The following WDR1 variants were observed in gnomAD, a reference collection of about 807,000 sequenced individuals.
The protein encoded by WDR1 is WD repeat-containing protein 1.
WDR1 carries 21 observed loss-of-function variants against 71.9 expected under a neutral mutation model. The observed-to-expected ratio is 0.29, with a 90% CI of 0.21 to 0.42. The LOEUF (loss-of-function observed/expected upper bound fraction) is 0.42. Ranked by LOEUF, WDR1 falls within the 10% of genes least tolerant of loss-of-function variation. The probability of loss-of-function intolerance (pLI) is 1.00; values close to 1 mark genes in which losing one functional copy is unlikely to be tolerated. For synonymous variants in WDR1, 424 were observed against 347.4 expected, an observed-to-expected ratio of 1.22 and a Z score of -2.45; for missense variants, 696 against 824.5, an observed-to-expected ratio of 0.84 and a Z score of 1.91.
chr4:10,085,664 C>T (rs948260036), intron 8 of WDR1, among the ~76,000 whole-genome samples: 5 of 152,248 alleles, frequency 3.3e-5, no homozygotes, highest in Non-Finnish European at 5.9e-5. Flanking sequence ...CAGATGCCCA[C>T]GGGTGTTCCT....
rs1432303340 is a variant in WDR1 at position 10,111,544 on chromosome 4, A to T, written c.138+4569T>A. ...CACTTCCTTCTGCCACCTAGAGTTTATTTCACTCCCACCCAGGACAGTGAG... is the reference window on the plus strand; with the variant it reads ...CACTTCCTTCTGCCACCTAGAGTTTTTTTCACTCCCACCCAGGACAGTGAG... On this transcript the variant is annotated intron_variant, in intron 2 of 14. Transcript: ENST00000499869. 5.3e-5 allele frequency among the ~76,000 whole-genome samples: 8 copies of T among 151,920 alleles called. No individual in the cohort carries two copies. The East Asian group carries it at 1.5e-3, about 29-fold the overall frequency.
chr4:10,102,075 A>G (rs1286236732), intron 3 of WDR1, among the ~76,000 whole-genome samples: 4 of 152,082 alleles, frequency 2.6e-5, no homozygotes, highest in Non-Finnish European at 5.9e-5. Context: ...GCTGACCGCC[A>G]ACAGCAGTCA....
Position 10,084,174 on chromosome 4 carries a change from T to C in WDR1, c.1039+269A>G, listed in dbSNP as rs1373488407. On this transcript the variant is annotated intron_variant, in intron 9 of 14. Transcript: ENST00000499869. The stretch of plus-strand genomic sequence containing the variant: ...GGGCCGTTAAGCCACACTCTCAGGG[T>C]TGCACGACAAGAAGGGACTGATCAG... Among the ~76,000 whole-genome samples the C allele has an allele frequency of 4.6e-5, 7 of 152,072 alleles. No individual in the cohort carries two copies. In the East Asian group the frequency reaches 7.7e-4, roughly 17 times the overall value.
chr4:10,095,963 G>A (rs1010479280), intron 5 of WDR1: 3 of 152,338 alleles, frequency 2.0e-5, no homozygotes, highest in African/African-American at 7.2e-5. Flanking sequence ...TGGGCTAGCT[G>A]GGCAGACATT....
chr4:10,078,509 G>T (rs929385569), intron 12 of WDR1: 7 of 198,242 alleles, frequency 3.5e-5, no homozygotes, highest in African/African-American at 1.4e-4. Context: ...TGTGAGCCGA[G>T]CCCAGCCCCA....
chr4:10,077,201 G>A, intron 14 of WDR1, 103 bp downstream of exon 14: 2 of 1,445,706 alleles, frequency 1.4e-6, no homozygotes, highest in Non-Finnish European at 9.4e-7. Context: ...AAGCACAGAG[G>A]CTACTTAGCC....
At chr4:10,080,092 T>G (rs899824488) in intron 11 of WDR1, among the ~76,000 whole-genome samples, 1 of 151,888 alleles carries the variant, frequency 6.6e-6, no homozygotes, top group African/African-American at 2.4e-5. Flanking sequence ...CATGAGGAGG[T>G]GCAGAGACCT....
At chr4:10,115,890 C>G (rs1365076774) in intron 2 of WDR1, 6 of 578,308 alleles carry the variant, frequency 1.0e-5, no homozygotes, top group Non-Finnish European at 9.2e-6. Context: ...TAGACAGAAA[C>G]GAACTAAGAC....
chr4:10,115,534 A>C (rs1364980447), intron 2 of WDR1, among the ~76,000 whole-genome samples: 5 of 152,200 alleles, frequency 3.3e-5, no homozygotes, highest in Non-Finnish European at 1.5e-5. Context: ...GAGTTAGCTG[A>C]GTGCCATTCC....
At position 10,109,318 on chromosome 4, in the gene WDR1, T is replaced by C. The variant is rs1030437126; in HGVS notation, c.139-5332A>G. Among the ~76,000 whole-genome samples the C allele has an allele frequency of 3.9e-5, 6 of 152,226 alleles. No individual in the cohort carries two copies. In the East Asian group the frequency reaches 7.7e-4, roughly 20 times the overall value. ...ACGGTGAGTCAAGGGAGGTAACAAA[T>C]GCTCAACACCTTCACACAATCCCAG... On this transcript the variant is annotated intron_variant, in intron 2 of 14. Transcript: ENST00000499869.
intron 3 of WDR1, among the ~76,000 whole-genome samples, chr4:10,103,323 C>G (rs993097058): frequency 1.3e-5 from 2 of 148,280 alleles, no homozygotes; most frequent in Non-Finnish European, 3.0e-5. Context: ...CACACACACA[C>G]GGCCCACAAG....
intron 14 of WDR1, chr4:10,075,919 G>A (rs2109628414): frequency 5.5e-6 from 1 of 181,888 alleles, no homozygotes. Context: ...GAACACACAG[G>A]ACTGGGGGGG....
intron 8 of WDR1, among the ~76,000 whole-genome samples, chr4:10,086,605 G>A (rs1338692366): frequency 6.6e-6 from 1 of 152,192 alleles, no homozygotes; most frequent in East Asian, 1.9e-4. Context: ...AGGCCCGGGG[G>A]CTGCTCCAGG....
Position 10,116,383 on chromosome 4 carries a change from G to A in WDR1, c.17-149C>T. ...CCACTTTCCACGAGCGCCAGGAACC[G>A]CGCGACTTCCTGGTCCGCGCCCCGG... On this transcript the variant is annotated intron_variant, in intron 1 of 14. Coordinates refer to ENST00000499869, the MANE Select transcript of WDR1 (RefSeq NM_017491.5). The A allele has an allele frequency of 2.5e-6, 3 of 1,221,406 alleles. No homozygotes were observed. In the South Asian group the frequency reaches 4.5e-5, roughly 18 times the overall value. The allele number at this position is 1,221,406 out of a possible 1,614,324, so 75.7% of individuals were successfully genotyped here. A position where few individuals can be genotyped will look rare whatever the true frequency, so the allele number is the denominator to read the frequency against.
At chr4:10,093,116 C>A in intron 5 of WDR1, 2 of 1,289,480 alleles carry the variant, frequency 1.6e-6, no homozygotes, top group Non-Finnish European at 2.0e-6. Flanking sequence ...CACAGAGCGA[C>A]AGAGCGCTGC....
At chr4:10,086,581 C>T (rs540784026) in intron 8 of WDR1, among the ~76,000 whole-genome samples, 240 of 152,316 alleles carry the variant, frequency 1.6e-3, no homozygotes, top group African/African-American at 5.5e-3. Context: ...CAGCACAGCA[C>T]GGGCCGAGTG....
At chr4:10,094,935 C>T (rs1156272453) in intron 5 of WDR1, 1 of 152,310 alleles carries the variant, frequency 6.6e-6, no homozygotes, top group Non-Finnish European at 1.5e-5. Context: ...AAGGCAGCAG[C>T]TCCAACACGA....
intron 8 of WDR1, among the ~76,000 whole-genome samples, chr4:10,086,492 G>A (rs773191532): frequency 4.5e-4 from 68 of 152,156 alleles, no homozygotes; most frequent in South Asian, 1.4e-3. Context: ...CCCCTTCCTC[G>A]TGGGCAAACT....
At chr4:10,083,577 G>A (rs1205767957) in intron 9 of WDR1, 8 of 477,810 alleles carry the variant, frequency 1.7e-5, no homozygotes, top group South Asian at 3.1e-5. Context: ...CTTGGGTCCC[G>A]GACAGTCCCT....
Sources: allele counts gnomAD v4.1 joint callset (sites outside exome capture counted in the v4.1 genomes callset), GRCh38; gene constraint gnomAD v4.1.1; transcripts MANE v1.5; gene names NCBI Gene and HGNC (gene_info 2026-07-23, HGNC 2026-07-21).